KCNIP4: variants seen among roughly 807,000 people sequenced by gnomAD.
KCNIP4 encodes potassium voltage-gated channel interacting protein 4, also known as Kv channel-interacting protein 4.
Under a neutral mutation model 34.0 loss-of-function variants are expected in KCNIP4, and 12 were observed. The observed-to-expected ratio is 0.35, with a 90% CI of 0.23 to 0.57. The LOEUF is 0.57. KCNIP4 is among the 20% of genes least tolerant of loss of function. The probability of loss-of-function intolerance (pLI) is 0.83; values close to 1 mark genes in which losing one functional copy is unlikely to be tolerated. For synonymous variants in KCNIP4, 124 were observed against 102.2 expected (o/e 1.21, Z -1.29); for missense variants, 238 against 311.7 (o/e 0.76, Z 1.78).
chr4:21,225,416 T>C (rs768550355), intron 1 of KCNIP4, among the ~76,000 whole-genome samples: 14 of 152,188 alleles, frequency 9.2e-5, no homozygotes. Flanking sequence ...AGAATGACGA[T>C]ATACCCCATA....
intron 1 of KCNIP4, among the ~76,000 whole-genome samples, chr4:21,829,750 A>C (rs1404385973): frequency 6.6e-6 from 1 of 152,070 alleles, no homozygotes; most frequent in Admixed American, 6.6e-5. Context: ...AGAAAGAAAA[A>C]GAGGAAGAAA....
chr4:21,035,108 T>C (rs28376442), intron 1 of KCNIP4, among the ~76,000 whole-genome samples: 3,761 of 152,274 alleles, frequency 0.025, 146 homozygotes, highest in African/African-American at 0.084. Context: ...CTGGCAGTTG[T>C]GGAAAGATTC....
At chr4:21,097,648 T>C (rs991376256) in intron 1 of KCNIP4, among the ~76,000 whole-genome samples, 3 of 152,162 alleles carry the variant, frequency 2.0e-5, no homozygotes, top group South Asian at 4.1e-4. Context: ...TCAGATAACA[T>C]GTTGAACTTA....
chr4:20,831,273 A>G (rs1051709752), intron 3 of KCNIP4, among the ~76,000 whole-genome samples: 1 of 152,164 alleles, frequency 6.6e-6, no homozygotes, highest in Non-Finnish European at 1.5e-5. Flanking sequence ...CCATTTATGC[A>G]TAAGGAAATT....
intron 5 of KCNIP4, among the ~76,000 whole-genome samples, chr4:20,742,765 A>T (rs757004623): frequency 6.6e-6 from 1 of 152,164 alleles, no homozygotes; most frequent in Non-Finnish European, 1.5e-5. Flanking sequence ...GGGAAAGAAG[A>T]AGTCAAATTT....
At position 20,926,988 on chromosome 4, in the gene KCNIP4, T is replaced by C. The variant is rs115788772; in HGVS notation, c.62-44279A>G. On this transcript the variant is annotated intron_variant, in intron 1 of 8. Transcript: ENST00000382152. ...TTTTCTTTCTTTCTTTCTGTTCTTTTTTTGAGATGGAGTCTCGAGTCTCGC... is the reference window on the plus strand; with the variant it reads ...TTTTCTTTCTTTCTTTCTGTTCTTTCTTTGAGATGGAGTCTCGAGTCTCGC... Among the ~76,000 whole-genome samples, 902 of 152,330 alleles carry C rather than the reference T, an allele frequency of 5.9e-3. 7 individuals carry two copies. The highest frequency in any genetic ancestry group is 0.02 in the African/African-American group (834 of 41,576).
At chr4:21,466,542 T>C (rs1017922237) in intron 1 of KCNIP4, among the ~76,000 whole-genome samples, 3 of 152,132 alleles carry the variant, frequency 2.0e-5, no homozygotes, top group Admixed American at 6.6e-5. Flanking sequence ...GCTGTGGCAC[T>C]AAGGGATTCT....
In KCNIP4 at chr4:21,689,946, A is replaced by G. The variant is rs138877308; in HGVS notation, c.61+258625T>C. ...CATAAAGTGAACATTAGCCCCAAATAAAGAACACCTTGAGACATCCTGATG... is the reference window on the plus strand; with the variant it reads ...CATAAAGTGAACATTAGCCCCAAATGAAGAACACCTTGAGACATCCTGATG... On this transcript the variant is annotated intron_variant, in intron 1 of 8. Coordinates refer to ENST00000382152, the MANE Select transcript of KCNIP4 (RefSeq NM_025221.6). Among the ~76,000 whole-genome samples, 521 of 152,138 alleles carry G rather than the reference A, an allele frequency of 3.4e-3. 1 individual carries two copies. Among genetic ancestry groups the G allele is most frequent in the Non-Finnish European group, 5.8e-3 (392 of 67,990 alleles).
intron 1 of KCNIP4, among the ~76,000 whole-genome samples, chr4:21,812,008 T>C (rs9996615): frequency 0.98 from 148,958 of 152,320 alleles, 72,927 homozygotes; most frequent in South Asian, 1. Flanking sequence ...AGCTGAAATA[T>C]TTACAAGCAA....
chr4:21,089,360 T>G (rs931338341), intron 1 of KCNIP4, among the ~76,000 whole-genome samples: 3 of 152,188 alleles, frequency 2.0e-5, no homozygotes, highest in Non-Finnish European at 2.9e-5. Flanking sequence ...ACCACGATTG[T>G]AAATTTCCTG....
At chr4:20,842,334 A>G (rs979823029) in intron 3 of KCNIP4, among the ~76,000 whole-genome samples, 1 of 152,112 alleles carries the variant, frequency 6.6e-6, no homozygotes, top group Non-Finnish European at 1.5e-5. Context: ...GTCCAGGTCA[A>G]GGCCCTTCAG....
rs183290461 is a variant in KCNIP4 at position 21,470,502 on chromosome 4, G to T, written c.61+478069C>A. Among the ~76,000 whole-genome samples the T allele has an allele frequency of 9.6e-4, 146 of 152,290 alleles. 1 individual carries two copies. The Middle Eastern group carries it at 0.014, about 14-fold the overall frequency. On this transcript the variant is annotated intron_variant, in intron 1 of 8. Coordinates refer to ENST00000382152, the MANE Select transcript of KCNIP4 (RefSeq NM_025221.6). The stretch of plus-strand genomic sequence containing the variant: ...GAACTTCAGGAAAAATAGATAATGT[G>T]GTTTAGTTGTACAGGTTGTGTACAG...
chr4:21,501,688 T>TTGTGTGTGTGTGTGTGTGTGTGTG (rs370071298), intron 1 of KCNIP4, among the ~76,000 whole-genome samples: 4,854 of 127,104 alleles, frequency 0.038, 244 homozygotes, highest in Middle Eastern at 0.074. Flanking sequence ...TGCAGAAGCC[T>TTGTGTGTGTGTGTGTGTGTGTGTG]TGTGTGTGTG....
chr4:21,940,153 T>C (rs1202098258), intron 1 of KCNIP4, among the ~76,000 whole-genome samples: 2 of 152,198 alleles, frequency 1.3e-5, no homozygotes, highest in South Asian at 2.1e-4. Flanking sequence ...TTAAAATCTT[T>C]AAAATAGCTT....
At chr4:20,907,684 T>C (rs184734496) in intron 1 of KCNIP4, among the ~76,000 whole-genome samples, 1 of 152,276 alleles carries the variant, frequency 6.6e-6, no homozygotes, top group African/African-American at 2.4e-5. Context: ...ACTTTGGTTT[T>C]TTGATTTTTG....
At chr4:21,072,822 A>G (rs1429211819) in intron 1 of KCNIP4, among the ~76,000 whole-genome samples, 2 of 152,170 alleles carry the variant, frequency 1.3e-5, no homozygotes, top group Admixed American at 6.5e-5. Context: ...TAATTTTCAT[A>G]TAAGGTGTAA....
chr4:21,542,020 T>A (rs1737743504), intron 1 of KCNIP4, among the ~76,000 whole-genome samples: 1 of 152,226 alleles, frequency 6.6e-6, no homozygotes, highest in African/African-American at 2.4e-5. Context: ...ACAAGTTTTC[T>A]ATGGCACGCT....
intron 3 of KCNIP4, among the ~76,000 whole-genome samples, chr4:20,769,641 G>C (rs1488554629): frequency 1.3e-5 from 2 of 152,132 alleles, no homozygotes; most frequent in Non-Finnish European, 2.9e-5. Context: ...ACACTTCTGT[G>C]GGATAAAAGA....
chr4:21,660,577 G>C (rs953671633), intron 1 of KCNIP4, among the ~76,000 whole-genome samples: 3 of 152,152 alleles, frequency 2.0e-5, no homozygotes, highest in African/African-American at 7.2e-5. Context: ...AATTTCAATA[G>C]TAGACTAACA....
Sources: allele counts gnomAD v4.1 joint callset (sites outside exome capture counted in the v4.1 genomes callset), GRCh38; gene constraint gnomAD v4.1.1; transcripts MANE v1.5; gene names NCBI Gene and HGNC (gene_info 2026-07-23, HGNC 2026-07-21).